Variants in TTC28 observed in about 807,000 individuals in gnomAD.
TTC28 encodes the protein tetratricopeptide repeat domain 28.
A neutral mutation model predicts 198.0 loss-of-function variants in TTC28; 61 were observed. The observed-to-expected ratio is 0.31, with a 90% CI of 0.25 to 0.38. TTC28 has a LOEUF of 0.38. TTC28 is among the 10% of genes least tolerant of loss of function. The probability of loss-of-function intolerance (pLI) is 1.00; values close to 1 mark genes in which losing one functional copy is unlikely to be tolerated. For missense variants in TTC28, 2,678 were observed against 3,164.0 expected, an observed-to-expected ratio of 0.85 and a Z score of 3.69; for synonymous variants, 1,171 against 1,297.8, an observed-to-expected ratio of 0.90 and a Z score of 2.10.
Position 27,995,963 on chromosome 22 carries a change from G to C in TTC28, c.5244+172C>G, listed in dbSNP as rs145367681. On this transcript the variant is annotated intron_variant, in intron 17 of 22. Coordinates refer to ENST00000397906, the MANE Select transcript of TTC28 (RefSeq NM_001145418.2). ...GCTTTGCTGGGACATGGGTCTCCCA[G>C]CAGGCTTATCCCAGGGACGTCTGTG... is the stretch of plus-strand genomic sequence containing the variant. Among the ~76,000 whole-genome samples, 65 of 152,342 alleles carry C rather than the reference G, an allele frequency of 4.3e-4. 2 individuals are homozygous for C. The highest frequency in any genetic ancestry group is 2.9e-3 in the South Asian group (14 of 4,828).
Position 27,982,973 on chromosome 22 carries a change from T to G in TTC28, c.6694A>C (p.Lys2232Gln). 6.4e-7 allele frequency: 1 copy of G among 1,551,680 alleles called. No homozygotes were observed. Among genetic ancestry groups the G allele is most frequent in the African/African-American group, 1.4e-5 (1 of 73,166 alleles). ...QKSQPSPVTV[K>Q]PKPPARSSSL... ...GAGCTCCTGGCTGGGGGCTTTGGTTTAACAGTGACTGGTGATGGCTGACTC... is the reference window on the plus strand; with the variant it reads ...GAGCTCCTGGCTGGGGGCTTTGGTTGAACAGTGACTGGTGATGGCTGACTC... The change falls in exon 23 of 23, where the codon AAA becomes CAA. Residue 2232 changes from lysine (K) to glutamine (Q), a missense_variant. Lys to Gln is a moderately conservative substitution (Grantham distance 53). This residue lies in a region of TTC28 where 622 missense variants were observed against 656.0 expected (regional missense o/e 0.95). Transcript: ENST00000397906. The surrounding 1 kb of genome is among the most constrained non-coding windows in gnomAD (Gnocchi z 5.2).
At chr22:28,637,813 A>C (rs571160319) in intron 1 of TTC28, among the ~76,000 whole-genome samples, 1 of 152,238 alleles carries the variant, frequency 6.6e-6, no homozygotes, top group African/African-American at 2.4e-5. Flanking sequence ...TGCTGCTTAC[A>C]AAAGACTCAC....
intron 12 of TTC28, among the ~76,000 whole-genome samples, chr22:28,045,282 A>C (rs1389983154): frequency 6.6e-6 from 1 of 152,136 alleles, no homozygotes; most frequent in African/African-American, 2.4e-5. Context: ...AAATTCAAAA[A>C]CCTGAAATCT....
intron 6 of TTC28, among the ~76,000 whole-genome samples, chr22:28,114,749 T>C (rs1942587652): frequency 1.3e-5 from 2 of 151,968 alleles, no homozygotes; most frequent in Non-Finnish European, 2.9e-5. Flanking sequence ...CCAGCTAATG[T>C]TTAATTAATT....
chr22:28,072,708 A>C (rs1328883769), intron 12 of TTC28, among the ~76,000 whole-genome samples: 2 of 152,186 alleles, frequency 1.3e-5, no homozygotes, highest in African/African-American at 4.8e-5. Flanking sequence ...ATATAACTCC[A>C]GGGGATCCCA....
At chr22:28,290,108 C>G (rs2044759640) in intron 5 of TTC28, among the ~76,000 whole-genome samples, 2 of 152,064 alleles carry the variant, frequency 1.3e-5, no homozygotes, top group African/African-American at 2.4e-5. Flanking sequence ...TATCTAGCTA[C>G]TTTGGAAAAT....
At chr22:28,306,267 A>G (rs1004302399) in intron 3 of TTC28, among the ~76,000 whole-genome samples, 7 of 152,158 alleles carry the variant, frequency 4.6e-5, no homozygotes, top group African/African-American at 1.7e-4. Context: ...AAAATTTAAG[A>G]ATGTAATATA....
intron 5 of TTC28, among the ~76,000 whole-genome samples, chr22:28,295,275 C>G (rs946021405): frequency 1.3e-5 from 2 of 152,150 alleles, no homozygotes; most frequent in African/African-American, 4.8e-5. Context: ...TAGTAGAATT[C>G]TTAGATGTAA....
intron 6 of TTC28, among the ~76,000 whole-genome samples, chr22:28,121,317 T>C (rs761843252): frequency 6.6e-6 from 1 of 152,186 alleles, no homozygotes; most frequent in Non-Finnish European, 1.5e-5. Flanking sequence ...CCCTACTACA[T>C]ACATCAGGAA....
chr22:28,544,729 T>C lies in TTC28; in HGVS notation c.381+84823A>G, dbSNP rs2049498362. ...TGGCCCCAAAAGTGACCTCTGGTCA[T>C]CCTCACTGCTCATTACATGCTAATT... On this transcript the variant is annotated intron_variant, in intron 2 of 22. Coordinates refer to ENST00000397906, the MANE Select transcript of TTC28 (RefSeq NM_001145418.2). 2.6e-5 allele frequency among the ~76,000 whole-genome samples: 4 copies of C among 152,156 alleles called. No homozygotes were observed. In the South Asian group the frequency reaches 8.3e-4, roughly 32 times the overall value.
chr22:28,535,780 T>C (rs1407649048), intron 2 of TTC28, among the ~76,000 whole-genome samples: 1 of 152,142 alleles, frequency 6.6e-6, no homozygotes, highest in Non-Finnish European at 1.5e-5. Flanking sequence ...TCTCTCCTCC[T>C]GGCCATGTGA....
rs758631680 is a variant in TTC28 at position 27,982,964 on chromosome 22, G to T, written c.6703C>A (p.Pro2235Thr). 25 of 1,551,580 alleles carry T rather than the reference G, an allele frequency of 1.6e-5. No homozygotes were observed. Among genetic ancestry groups the T allele is most frequent in the Middle Eastern group, 3.3e-4 (2 of 6,016 alleles). The stretch of plus-strand genomic sequence containing the variant: ...GGCAGGGAGGAGCTCCTGGCTGGGG[G>T]CTTTGGTTTAACAGTGACTGGTGAT... Reference protein sequence around the residue: ...QPSPVTVKPKPPARSSSLPKV... With the variant: ...QPSPVTVKPKTPARSSSLPKV... Residue 2235 changes from proline to threonine, a missense_variant, in exon 23 of 23, where the codon CCC (proline) becomes ACC (threonine). Coordinates refer to ENST00000397906, the MANE Select transcript of TTC28 (RefSeq NM_001145418.2). This position sits in a 1 kb window ranked among gnomAD's most constrained non-coding sequence, Gnocchi z 5.2.
rs139158994 is a variant in TTC28 at position 28,630,854 on chromosome 22, C to G, written c.103-1024G>C. Among the ~76,000 whole-genome samples, 215 of 152,220 alleles carry G rather than the reference C, an allele frequency of 1.4e-3. 1 individual carries two copies. Among genetic ancestry groups the G allele is most frequent in the African/African-American group, 4.8e-3 (200 of 41,542 alleles). On this transcript the variant is annotated intron_variant, in intron 1 of 22. Transcript: ENST00000397906. ...TTGAATGAATAAATGCAAAAGAGTA[C>G]TCAGGTTTTTCCTTGGCAATTTAAA...
intron 6 of TTC28, among the ~76,000 whole-genome samples, chr22:28,153,041 G>A (rs1010054180): frequency 6.6e-6 from 1 of 152,030 alleles, no homozygotes; most frequent in Non-Finnish European, 1.5e-5. Flanking sequence ...GTACGATATG[G>A]ATGTGTATTA....
At chr22:28,419,513 A>G (rs1371229059) in intron 2 of TTC28, among the ~76,000 whole-genome samples, 3 of 152,194 alleles carry the variant, frequency 2.0e-5, no homozygotes, top group Non-Finnish European at 4.4e-5. Context: ...ATTGAACTAA[A>G]TTTACATACC....
At chr22:28,294,682 C>A (rs2044856144) in intron 5 of TTC28, among the ~76,000 whole-genome samples, 1 of 151,946 alleles carries the variant, frequency 6.6e-6, no homozygotes, top group South Asian at 2.1e-4. Flanking sequence ...AATTCTCCTG[C>A]CTCAGCCTCC....
At chr22:28,382,959 G>T (rs1401866639) in intron 2 of TTC28, among the ~76,000 whole-genome samples, 1 of 152,124 alleles carries the variant, frequency 6.6e-6, no homozygotes, top group East Asian at 1.9e-4. Flanking sequence ...ATGACCTCTA[G>T]TATTGTTAAA....
intron 5 of TTC28, among the ~76,000 whole-genome samples, chr22:28,272,409 G>A (rs557702913): frequency 2.6e-5 from 4 of 152,314 alleles, no homozygotes; most frequent in South Asian, 2.1e-4. Context: ...GCCCTGATAT[G>A]AGAATAGTCA....
At chr22:28,242,014 T>C (rs2147253754) in intron 5 of TTC28, among the ~76,000 whole-genome samples, 1 of 152,164 alleles carries the variant, frequency 6.6e-6, no homozygotes, top group East Asian at 1.9e-4. Flanking sequence ...CTAGGAGTAC[T>C]ACAAGAAGCT....
Sources: allele counts gnomAD v4.1 joint callset (sites outside exome capture counted in the v4.1 genomes callset), GRCh38; gene constraint gnomAD v4.1.1; regional missense constraint gnomAD v4.1.1; non-coding constraint Gnocchi (gnomAD v3.1); transcripts MANE v1.5; gene names NCBI Gene and HGNC (gene_info 2026-07-23, HGNC 2026-07-21).